The following SYCP1 variants were observed in gnomAD, a reference collection of about 807,000 sequenced individuals.
SYCP1 encodes the protein cancer/testis antigen 8.
In SYCP1, 64 loss-of-function variants were observed where a neutral mutation model predicts 153.1. The ratio of observed to expected loss-of-function variants is 0.42; its 90% confidence interval spans 0.34 to 0.51. SYCP1 has a LOEUF of 0.51. Ranked by LOEUF, SYCP1 falls within the 20% of genes least tolerant of loss-of-function variation. The pLI is 0.06. For missense variants in SYCP1, 997 were observed against 1,049.0 expected (o/e 0.95, Z 0.68); for synonymous variants, 384 against 341.8 (o/e 1.12, Z -1.36).
chr1:114,885,453 G>T (rs890050586), intron 12 of SYCP1, 82 bp from the exon 13 acceptor site: 11 of 784,120 alleles, frequency 1.4e-5, no homozygotes, highest in Non-Finnish European at 2.0e-5. Flanking sequence ...GGAGGAAAAA[G>T]ACTAATTGTC....
At chr1:114,949,081 T>G (rs1201774817) in intron 27 of SYCP1, among the ~76,000 whole-genome samples, 1 of 152,170 alleles carries the variant, frequency 6.6e-6, no homozygotes, top group Non-Finnish European at 1.5e-5. Flanking sequence ...ATCTCCGTGC[T>G]AGCTCCCTGA....
At chr1:114,936,313 C>G (rs1284696649) in intron 23 of SYCP1, among the ~76,000 whole-genome samples, 2 of 152,164 alleles carry the variant, frequency 1.3e-5, no homozygotes, top group African/African-American at 4.8e-5. Flanking sequence ...GCATGATTAT[C>G]TCAATAGATG....
At chr1:114,870,009 TTTTA>T (rs760990734) in intron 8 of SYCP1, among the ~76,000 whole-genome samples, 5 of 152,102 alleles carry the variant, frequency 3.3e-5, no homozygotes, top group Non-Finnish European at 5.9e-5. Context: ...AGCATTTTAT[TTTTA>T]TTTATTTATT....
chr1:114,905,662 T>C (rs360656), intron 16 of SYCP1, among the ~76,000 whole-genome samples: 53,774 of 152,030 alleles, frequency 0.35, 10,544 homozygotes, highest in East Asian at 0.5. Context: ...ATTGGTATAA[T>C]TTCTTCTTTA....
intron 18 of SYCP1, 105 bp from the exon 19 acceptor site, chr1:114,912,928 C>T: frequency 2.8e-6 from 2 of 726,254 alleles, no homozygotes; most frequent in Non-Finnish European, 4.5e-6. Context: ...CATGTTTTTC[C>T]CCCAGCCCTT....
At chr1:114,901,096 T>C (rs1667413716) in intron 16 of SYCP1, among the ~76,000 whole-genome samples, 1 of 152,166 alleles carries the variant, frequency 6.6e-6, no homozygotes, top group African/African-American at 2.4e-5. Flanking sequence ...TGTAACTACA[T>C]AGGCAGAAGA....
intron 8 of SYCP1, among the ~76,000 whole-genome samples, chr1:114,865,440 C>G (rs1385535005): frequency 6.6e-6 from 1 of 152,176 alleles, no homozygotes; most frequent in Non-Finnish European, 1.5e-5. Context: ...AGTCAGCTCA[C>G]TTAGGTTTAG....
intron 16 of SYCP1, among the ~76,000 whole-genome samples, chr1:114,897,090 A>C (rs1184499060): frequency 3.3e-5 from 5 of 152,156 alleles, no homozygotes; most frequent in African/African-American, 1.2e-4. Flanking sequence ...TTCTCCGGGG[A>C]GACCTTTTTA....
intron 8 of SYCP1, among the ~76,000 whole-genome samples, chr1:114,861,985 G>C (rs360618): frequency 0.4 from 60,174 of 151,388 alleles, 12,938 homozygotes; most frequent in East Asian, 0.49. Context: ...ATTTTTAGTA[G>C]AAAGGGGGTT....
chr1:114,895,403 C>A, intron 15 of SYCP1, 45 bp from the exon 16 acceptor site: 3 of 1,281,540 alleles, frequency 2.3e-6, no homozygotes, highest in Non-Finnish European at 2.1e-6. Flanking sequence ...TTTTCCTATT[C>A]TTTTAATCCA....
At chr1:114,978,842 A>AC (rs1250004351) in intron 28 of SYCP1, among the ~76,000 whole-genome samples, 12 of 151,702 alleles carry the variant, frequency 7.9e-5, no homozygotes, top group African/African-American at 2.7e-4. Flanking sequence ...AATCATAATA[A>AC]AATTATGCAG....
At chr1:114,866,586 G>A (rs1264329523) in intron 8 of SYCP1, among the ~76,000 whole-genome samples, 1 of 151,988 alleles carries the variant, frequency 6.6e-6, no homozygotes, top group East Asian at 1.9e-4. Flanking sequence ...TAACAATTTT[G>A]AGTCTTTGTA....
chr1:114,907,780 A>G (rs1348885041), intron 16 of SYCP1, among the ~76,000 whole-genome samples: 1 of 151,662 alleles, frequency 6.6e-6, no homozygotes, highest in East Asian at 1.9e-4. Flanking sequence ...ATGGGGTTTC[A>G]CCGTGTTAGC....
intron 30 of SYCP1, among the ~76,000 whole-genome samples, chr1:114,989,508 C>T (rs1673772634): frequency 6.6e-6 from 1 of 151,878 alleles, no homozygotes; most frequent in African/African-American, 2.4e-5. Context: ...TATGTCCTTC[C>T]TTATAGATCA....
At chr1:114,994,436 CTT>C (rs1159735123) in intron 30 of SYCP1, among the ~76,000 whole-genome samples, 1 of 151,354 alleles carries the variant, frequency 6.6e-6, no homozygotes, top group Non-Finnish European at 1.5e-5. Flanking sequence ...TTCACATAGC[CTT>C]TCAGTAATAC....
At chr1:114,933,256 G>T (rs145907713) in intron 23 of SYCP1, among the ~76,000 whole-genome samples, 7,151 of 152,288 alleles carry the variant, frequency 0.047, 209 homozygotes, top group African/African-American at 0.06. Flanking sequence ...CTATTCTGCA[G>T]CCTCCGCTGG....
At chr1:114,921,051 T>C (rs1365983618) in intron 20 of SYCP1, among the ~76,000 whole-genome samples, 1 of 152,114 alleles carries the variant, frequency 6.6e-6, no homozygotes, top group Non-Finnish European at 1.5e-5. Flanking sequence ...TTGTGGTCTC[T>C]TCTTTCTTTC....
intron 27 of SYCP1, among the ~76,000 whole-genome samples, chr1:114,963,826 G>A (rs12135889): frequency 0.5 from 75,332 of 151,994 alleles, 19,979 homozygotes; most frequent in Middle Eastern, 0.62. Context: ...TAATGCTGCA[G>A]CAAACATATG....
intron 18 of SYCP1, 30 bp from the exon 19 acceptor site, chr1:114,913,003 T>G: frequency 6.8e-7 from 1 of 1,472,292 alleles, no homozygotes; most frequent in Non-Finnish European, 9.4e-7. Flanking sequence ...TTGTAAATAT[T>G]TTGGTATGAC....
Sources: gnomAD v4.1 joint callset for allele counts (sites outside exome capture counted in the v4.1 genomes callset) on GRCh38, gnomAD v4.1.1 for gene constraint, MANE v1.5 for transcripts, NCBI Gene and HGNC (gene_info 2026-07-23, HGNC 2026-07-21) for gene names.